Variants in SCAPER observed in about 807,000 individuals in gnomAD.
The protein encoded by SCAPER is S-phase cyclin A associated protein in the ER.
A neutral mutation model predicts 182.2 loss-of-function variants in SCAPER; 98 were observed. That is an observed-to-expected ratio of 0.54 (90% CI 0.46 to 0.64). The LOEUF (loss-of-function observed/expected upper bound fraction) is 0.64, where lower values mean the gene tolerates loss of function less well. Ranked by LOEUF, SCAPER falls within the 30% of genes least tolerant of loss-of-function variation. The pLI is 0.00. For synonymous variants in SCAPER, 605 were observed against 564.6 expected, an observed-to-expected ratio of 1.07 and a Z score of -1.01; for missense variants, 1,432 against 1,690.0, an observed-to-expected ratio of 0.85 and a Z score of 2.68.
intron 23 of SCAPER, among the ~76,000 whole-genome samples, chr15:76,542,203 C>G (rs929617867): frequency 2.6e-5 from 4 of 152,010 alleles, no homozygotes; most frequent in African/African-American, 9.7e-5. Context: ...AATGACTTGC[C>G]AAGTGTTATC....
intron 29 of SCAPER, among the ~76,000 whole-genome samples, chr15:76,356,500 C>A (rs1431115675): frequency 6.6e-6 from 1 of 152,126 alleles, no homozygotes; most frequent in East Asian, 1.9e-4. Flanking sequence ...TCAGTGGAGT[C>A]ATCATGGAAT....
intron 2 of SCAPER, among the ~76,000 whole-genome samples, chr15:76,867,305 T>C (rs1355620610): frequency 6.6e-6 from 1 of 152,212 alleles, no homozygotes; most frequent in Admixed American, 6.5e-5. Flanking sequence ...TTCAGCTTTC[T>C]GAATAATTCA....
chr15:76,621,919 A>G (rs2052102699), intron 21 of SCAPER, 90 bp from the exon 22 acceptor site: 9 of 861,086 alleles, frequency 1.0e-5, no homozygotes, highest in Non-Finnish European at 1.3e-5. Flanking sequence ...CCTATTAAAT[A>G]TAACACTAAG....
At chr15:76,635,818 G>T (rs922398998) in intron 21 of SCAPER, among the ~76,000 whole-genome samples, 1 of 152,074 alleles carries the variant, frequency 6.6e-6, no homozygotes, top group Non-Finnish European at 1.5e-5. Context: ...AGTTGATCAT[G>T]GTTTATGTTC....
chr15:76,752,718 T>TG (rs2062167347), intron 15 of SCAPER, among the ~76,000 whole-genome samples: 2 of 151,626 alleles, frequency 1.3e-5, no homozygotes, highest in African/African-American at 4.8e-5. Context: ...TGCCAGGGGC[T>TG]GGGGGTGAGA....
intron 8 of SCAPER, among the ~76,000 whole-genome samples, chr15:76,785,744 G>A (rs1165955426): frequency 1.3e-5 from 2 of 152,132 alleles, no homozygotes; most frequent in East Asian, 3.8e-4. Flanking sequence ...GGATGAAGCT[G>A]GAAACCATCA....
chr15:76,871,588 T>A (rs2072739263), intron 2 of SCAPER, among the ~76,000 whole-genome samples: 1 of 149,334 alleles, frequency 6.7e-6, no homozygotes, highest in Admixed American at 6.7e-5. Context: ...TTTTTTTTTT[T>A]TTTAGATGGA....
At chr15:76,655,847 A>C (rs1202362497) in intron 21 of SCAPER, among the ~76,000 whole-genome samples, 1 of 152,182 alleles carries the variant, frequency 6.6e-6, no homozygotes, top group African/African-American at 2.4e-5. Flanking sequence ...CTTTTCAGAC[A>C]AGCAAATGCT....
At chr15:76,536,522 C>A (rs113938846) in intron 23 of SCAPER, among the ~76,000 whole-genome samples, 69 of 152,194 alleles carry the variant, frequency 4.5e-4, no homozygotes, top group African/African-American at 1.5e-3. Flanking sequence ...AAAAGTGTTA[C>A]AAGAGAATAA....
rs996459848 is a variant in SCAPER at position 76,793,398 on chromosome 15, A to C, written c.772+1882T>G. 7.9e-6 allele frequency: 5 copies of C among 629,592 alleles called. No homozygotes were observed. The African/African-American group carries it at 9.3e-5, about 12-fold the overall frequency. 39.0% of individuals were successfully genotyped at this position (629,592 alleles called of 1,614,324 possible). ...TCAGGATGGAAGCTGGTCACTGGAA[A>C]CAACAAGGCAGTATTAGAACACTGG... On this transcript the variant is annotated intron_variant, in intron 8 of 31. Coordinates refer to ENST00000563290, the MANE Select transcript of SCAPER (RefSeq NM_020843.4).
intron 24 of SCAPER, among the ~76,000 whole-genome samples, chr15:76,484,487 G>A (rs181797581): frequency 2.0e-5 from 3 of 152,256 alleles, no homozygotes; most frequent in Admixed American, 1.3e-4. Flanking sequence ...CTCTGAAACT[G>A]AGGCAGTAAT....
chr15:76,827,299 A>G (rs1304028267), intron 5 of SCAPER, among the ~76,000 whole-genome samples: 2 of 152,166 alleles, frequency 1.3e-5, no homozygotes, highest in Non-Finnish European at 2.9e-5. Flanking sequence ...ACACTAATTC[A>G]TTTTTTAAAA....
intron 23 of SCAPER, among the ~76,000 whole-genome samples, chr15:76,563,562 G>T (rs552760738): frequency 1.2e-4 from 18 of 152,106 alleles, no homozygotes; most frequent in African/African-American, 4.1e-4. Flanking sequence ...AGGATCAGAA[G>T]GATTCACAGC....
intron 24 of SCAPER, among the ~76,000 whole-genome samples, chr15:76,471,600 C>A (rs916553959): frequency 9.9e-5 from 15 of 152,154 alleles, no homozygotes; most frequent in Non-Finnish European, 1.0e-4. Context: ...ACATATTTTA[C>A]CAGTCTATGA....
intron 27 of SCAPER, among the ~76,000 whole-genome samples, chr15:76,394,421 T>C (rs937018238): frequency 6.6e-6 from 1 of 152,282 alleles, no homozygotes; most frequent in African/African-American, 2.4e-5. Context: ...TGGCAGTAGA[T>C]TAGATCTGGG....
chr15:76,664,212 T>C (rs971171281), intron 21 of SCAPER, among the ~76,000 whole-genome samples: 1 of 152,110 alleles, frequency 6.6e-6, no homozygotes, highest in African/African-American at 2.4e-5. Context: ...GTGTTTAGAA[T>C]ATACAAGGGC....
chr15:76,411,255 A>C (rs180672424), intron 26 of SCAPER, among the ~76,000 whole-genome samples: 1 of 152,264 alleles, frequency 6.6e-6, no homozygotes, highest in East Asian at 1.9e-4. Context: ...ATCCCACTGT[A>C]TGAATACAGG....
chr15:76,806,796 C>T (rs568905026), intron 5 of SCAPER, among the ~76,000 whole-genome samples: 10 of 152,138 alleles, frequency 6.6e-5, no homozygotes, highest in African/African-American at 2.4e-4. Context: ...AAATTTATGC[C>T]TAAATATTTT....
intron 9 of SCAPER, among the ~76,000 whole-genome samples, chr15:76,772,784 A>G (rs1433006741): frequency 6.6e-6 from 1 of 151,930 alleles, no homozygotes; most frequent in Admixed American, 6.6e-5. Flanking sequence ...GAGAAGAGAA[A>G]CAATAGTACT....
Sources: gnomAD v4.1 joint callset for allele counts (sites outside exome capture counted in the v4.1 genomes callset) on GRCh38, gnomAD v4.1.1 for gene constraint, MANE v1.5 for transcripts, NCBI Gene and HGNC (gene_info 2026-07-23, HGNC 2026-07-21) for gene names.